Variants in CCNY observed in about 807,000 individuals in gnomAD.
CCNY encodes cyclin Y.
A neutral mutation model predicts 42.8 loss-of-function variants in CCNY; 19 were observed. The observed-to-expected ratio is 0.44, with a 90% CI of 0.31 to 0.65. The LOEUF (loss-of-function observed/expected upper bound fraction) is 0.65, where lower values mean the gene tolerates loss of function less well. Ranked by LOEUF, CCNY falls within the 30% of genes least tolerant of loss-of-function variation. CCNY has a pLI of 0.07. For synonymous variants in CCNY, 165 were observed against 162.7 expected (o/e 1.01, Z -0.11); for missense variants, 370 against 437.3 (o/e 0.85, Z 1.37).
intron 3 of CCNY, 114 bp downstream of exon 3, chr10:35,501,649 A>G: frequency 1.1e-6 from 1 of 911,022 alleles, no homozygotes; most frequent in Admixed American, 1.7e-5. Flanking sequence ...ACTTGGAAGA[A>G]TGTTGCAGTG....
chr10:35,290,222 T>TCTCA (rs1554774113), intron 3 of CCNY, among the ~76,000 whole-genome samples: 2 of 122,910 alleles, frequency 1.6e-5, no homozygotes, highest in Non-Finnish European at 3.3e-5. Context: ...CAAGACTCCA[T>TCTCA]CACACACACA....
intron 1 of CCNY, among the ~76,000 whole-genome samples, chr10:35,449,492 G>T (rs569397872): frequency 1.2e-4 from 18 of 152,136 alleles, no homozygotes; most frequent in African/African-American, 4.3e-4. Context: ...ACTGGAGCAC[G>T]CAGGAGCCTG....
chr10:35,552,586 AAGAT>A (rs1841282085), intron 7 of CCNY, among the ~76,000 whole-genome samples: 1 of 152,242 alleles, frequency 6.6e-6, no homozygotes, highest in Non-Finnish European at 1.5e-5. Context: ...CAATAATTAA[AAGAT>A]AGGCTTATCA....
At position 35,570,257 on chromosome 10, in the gene CCNY, T is replaced by C. The variant is rs1841661431; in HGVS notation, c.*1087T>C. On this transcript the variant is annotated 3_prime_UTR_variant, in exon 10 of 10. Coordinates refer to ENST00000374704, the MANE Select transcript of CCNY (RefSeq NM_145012.6). Reference sequence around the variant, plus strand: ...AAAAAAAACAAGGGTGGGTTGGGTATTCCAGTGGGAAGATCATTGAAGGGA... The same window carrying C: ...AAAAAAAACAAGGGTGGGTTGGGTACTCCAGTGGGAAGATCATTGAAGGGA... The C allele has an allele frequency of 6.6e-6, 1 of 152,528 alleles. No homozygotes were observed. Among genetic ancestry groups the C allele is most frequent in the African/African-American group, 2.4e-5 (1 of 41,456 alleles). The allele number at this position is 152,528 out of a possible 1,614,324, so 9.4% of individuals were successfully genotyped here. A position where few individuals can be genotyped will look rare whatever the true frequency, so the allele number is the denominator to read the frequency against.
chr10:35,419,011 G>A lies in CCNY; in HGVS notation c.155-64393G>A, dbSNP rs189784077. Among the ~76,000 whole-genome samples, 10 of 152,066 alleles carry A rather than the reference G, an allele frequency of 6.6e-5. No individual in the cohort carries two copies. In the East Asian group the frequency reaches 1.7e-3, roughly 27 times the overall value. Reference sequence around the variant, plus strand: ...AATTTTTGTATTTTTAGTAGAGATGGGGTTTCACCATGTTGGCCAGGCTGG... The same window carrying A: ...AATTTTTGTATTTTTAGTAGAGATGAGGTTTCACCATGTTGGCCAGGCTGG... On this transcript the variant is annotated intron_variant, in intron 1 of 9. Coordinates refer to ENST00000374704, the MANE Select transcript of CCNY (RefSeq NM_145012.6).
At chr10:35,487,300 A>G (rs1221248889) in intron 2 of CCNY, among the ~76,000 whole-genome samples, 3 of 152,050 alleles carry the variant, frequency 2.0e-5, no homozygotes, top group Non-Finnish European at 4.4e-5. Context: ...TCCTTCATTC[A>G]GGTTAATATA....
chr10:35,291,078 T>C (rs1247968998), intron 3 of CCNY, among the ~76,000 whole-genome samples: 1 of 152,038 alleles, frequency 6.6e-6, no homozygotes, highest in Non-Finnish European at 1.5e-5. Context: ...CAATCTCGGC[T>C]CACTGCAACC....
At chr10:35,337,764 G>A (rs763426995) in intron 1 of CCNY, among the ~76,000 whole-genome samples, 4 of 151,892 alleles carry the variant, frequency 2.6e-5, no homozygotes, top group Non-Finnish European at 4.4e-5. Context: ...TTTGAGTGGC[G>A]GTTCCAGGAT....
intron 3 of CCNY, among the ~76,000 whole-genome samples, chr10:35,304,665 C>T (rs1220714134): frequency 6.6e-6 from 1 of 152,196 alleles, no homozygotes; most frequent in African/African-American, 2.4e-5. Context: ...GTTTTCTCAG[C>T]CACAGTACTA....
At chr10:35,355,080 C>T (rs970549525) in intron 1 of CCNY, among the ~76,000 whole-genome samples, 1 of 152,050 alleles carries the variant, frequency 6.6e-6, no homozygotes, top group Non-Finnish European at 1.5e-5. Context: ...TGGGATGGCT[C>T]CCCCTATGAA....
intron 3 of CCNY, among the ~76,000 whole-genome samples, chr10:35,273,008 C>A (rs1270159842): frequency 2.6e-5 from 4 of 151,276 alleles, no homozygotes; most frequent in Non-Finnish European, 5.9e-5. Context: ...ATTTGCCTTT[C>A]TCTAATGATC....
chr10:35,567,614 G>A (rs1221939426), intron 9 of CCNY, among the ~76,000 whole-genome samples: 2 of 152,242 alleles, frequency 1.3e-5, no homozygotes, highest in East Asian at 3.8e-4. Flanking sequence ...TCAGTGCAGA[G>A]TTGGTGTGGC....
chr10:35,489,647 A>C (rs984232620), intron 2 of CCNY, among the ~76,000 whole-genome samples: 1 of 152,206 alleles, frequency 6.6e-6, no homozygotes, highest in Non-Finnish European at 1.5e-5. Flanking sequence ...TAGTCATATC[A>C]TTGAATTCTT....
At chr10:35,259,897 T>C (rs2095718349) in intron 3 of CCNY, among the ~76,000 whole-genome samples, 1 of 151,752 alleles carries the variant, frequency 6.6e-6, no homozygotes, top group South Asian at 2.1e-4. Flanking sequence ...ACATACTTTT[T>C]TTTTTTTTTA....
intron 1 of CCNY, among the ~76,000 whole-genome samples, chr10:35,364,185 G>C (rs1742061538): frequency 6.6e-6 from 1 of 151,978 alleles, no homozygotes; most frequent in Admixed American, 6.6e-5. Flanking sequence ...TTGGTGGTTT[G>C]GGATCCTTAG....
intron 1 of CCNY, among the ~76,000 whole-genome samples, chr10:35,469,025 G>A (rs929318890): frequency 5.9e-5 from 9 of 152,214 alleles, no homozygotes; most frequent in South Asian, 4.1e-4. Flanking sequence ...CTGCAGGAAC[G>A]TTAAAATAAT....
chr10:35,492,798 A>G (rs1044647459), intron 2 of CCNY, among the ~76,000 whole-genome samples: 1 of 152,226 alleles, frequency 6.6e-6, no homozygotes, highest in African/African-American at 2.4e-5. Flanking sequence ...TTTGTGTTGC[A>G]GCTTTACCTT....
At chr10:35,383,943 T>A (rs1453131334) in intron 1 of CCNY, among the ~76,000 whole-genome samples, 1 of 151,384 alleles carries the variant, frequency 6.6e-6, no homozygotes, top group Non-Finnish European at 1.5e-5. Flanking sequence ...TTGTGGGGAA[T>A]GAGAGTAAGA....
At chr10:35,534,016 T>TGG in intron 7 of CCNY, among the ~76,000 whole-genome samples, 1 of 151,760 alleles carries the variant, frequency 6.6e-6, no homozygotes, top group Non-Finnish European at 1.5e-5. Flanking sequence ...TTTCATTTCA[T>TGG]TGCTTAACTT....
Sources: allele counts gnomAD v4.1 joint callset (sites outside exome capture counted in the v4.1 genomes callset), GRCh38; gene constraint gnomAD v4.1.1; transcripts MANE v1.5; gene names NCBI Gene and HGNC (gene_info 2026-07-23, HGNC 2026-07-21).